The following BRINP3 variants were observed in gnomAD, a reference collection of about 807,000 sequenced individuals.
The protein encoded by BRINP3 is BMP/retinoic acid inducible neural specific 3, also known as BMP/retinoic acid-inducible neural-specific protein 3.
BRINP3 carries 19 observed loss-of-function variants against 71.0 expected under a neutral mutation model. The ratio of observed to expected loss-of-function variants is 0.27; its 90% CI spans 0.19 to 0.39. The LOEUF is 0.39. Among genes scored for constraint, BRINP3 ranks in the 10% least tolerant of loss-of-function variants. BRINP3 has a pLI of 1.00. For synonymous variants in BRINP3, 380 were observed against 337.7 expected, an observed-to-expected ratio of 1.13 and a Z score of -1.37; for missense variants, 959 against 940.8, an observed-to-expected ratio of 1.02 and a Z score of -0.25.
intron 2 of BRINP3, among the ~76,000 whole-genome samples, chr1:190,365,315 T>G (rs1380683389): frequency 6.6e-6 from 1 of 151,948 alleles, no homozygotes; most frequent in African/African-American, 2.4e-5. Context: ...CAGTCATCCA[T>G]CCATTCCGTT....
At chr1:190,240,603 C>T (rs1272138050) in intron 4 of BRINP3, among the ~76,000 whole-genome samples, 3 of 151,948 alleles carry the variant, frequency 2.0e-5, no homozygotes, top group Non-Finnish European at 4.4e-5. Flanking sequence ...GGTGTGATTG[C>T]TCAAGCATGT....
chr1:190,215,701 C>G (rs1656351537), intron 6 of BRINP3, among the ~76,000 whole-genome samples: 1 of 151,812 alleles, frequency 6.6e-6, no homozygotes, highest in Non-Finnish European at 1.5e-5. Flanking sequence ...GGATAGTGTT[C>G]TCTAACAGTT....
At chr1:190,424,490 G>A (rs1278495953) in intron 2 of BRINP3, among the ~76,000 whole-genome samples, 1 of 151,582 alleles carries the variant, frequency 6.6e-6, no homozygotes, top group Non-Finnish European at 1.5e-5. Flanking sequence ...TACTGTCATA[G>A]GGACTTTAAA....
chr1:190,296,506 G>A (rs1436918983), intron 2 of BRINP3, among the ~76,000 whole-genome samples: 1 of 151,968 alleles, frequency 6.6e-6, no homozygotes, highest in East Asian at 1.9e-4. Context: ...TTAAGATCAG[G>A]AACAACACAA....
rs1558160570 is a variant in BRINP3, at chr1:190,301,198, CACATACATATATATATATAT to C, written c.237-19468_237-19449del. 2.6e-3 allele frequency among the ~76,000 whole-genome samples: 69 copies of C among 26,694 alleles called. 1 individual carries two copies. Among genetic ancestry groups the C allele is most frequent in the South Asian group, 9.5e-3 (4 of 422 alleles). The allele number at this position is 26,694 out of a possible 152,430, so 17.5% of individuals were successfully genotyped here. A position where few individuals can be genotyped will look rare whatever the true frequency, so the allele number is the denominator to read the frequency against. ...ATACATATATATATGTATATATATA[CACATACATATATATATATAT>C]ATATATATATATATATACACACATA... On this transcript the variant is annotated intron_variant, in intron 2 of 7. Transcript: ENST00000367462.
At chr1:190,284,113 T>C (rs189233667) in intron 2 of BRINP3, among the ~76,000 whole-genome samples, 46 of 152,166 alleles carry the variant, frequency 3.0e-4, no homozygotes, top group Non-Finnish European at 1.0e-4. Context: ...AAACACATGC[T>C]AGAAAAGTGC....
chr1:190,345,358 A>T (rs887526352), intron 2 of BRINP3, among the ~76,000 whole-genome samples: 8 of 151,822 alleles, frequency 5.3e-5, no homozygotes, highest in African/African-American at 1.9e-4. Flanking sequence ...AATAGTTTAG[A>T]GCTCAGAATC....
chr1:190,384,940 A>G (rs2102271434), intron 2 of BRINP3, among the ~76,000 whole-genome samples: 1 of 152,136 alleles, frequency 6.6e-6, no homozygotes, highest in East Asian at 1.9e-4. Context: ...CTGATCTTTG[A>G]CAAACCTGAC....
chr1:190,276,983 G>A (rs541409482), intron 3 of BRINP3, among the ~76,000 whole-genome samples: 143 of 147,422 alleles, frequency 9.7e-4, no homozygotes, highest in African/African-American at 3.4e-3. Flanking sequence ...TGGTCAAACT[G>A]AACTTGCTTT....
At chr1:190,109,255 T>C (rs552076816) in intron 7 of BRINP3, among the ~76,000 whole-genome samples, 2 of 152,310 alleles carry the variant, frequency 1.3e-5, no homozygotes, top group South Asian at 2.1e-4. Context: ...CATTTTTTCA[T>C]ATATTTACAT....
At chr1:190,349,322 T>C (rs1193363806) in intron 2 of BRINP3, among the ~76,000 whole-genome samples, 1 of 152,038 alleles carries the variant, frequency 6.6e-6, no homozygotes, top group African/African-American at 2.4e-5. Flanking sequence ...TTTACAGAGA[T>C]AGTAGGCAAG....
At chr1:190,449,752 G>T (rs1415757369) in intron 2 of BRINP3, among the ~76,000 whole-genome samples, 1 of 152,086 alleles carries the variant, frequency 6.6e-6, no homozygotes. Context: ...AATTATCAGT[G>T]TATAGCTGAG....
In BRINP3 at chr1:190,138,903, C is replaced by T. The variant is rs192843634; in HGVS notation, c.1184+21765G>A. ...GTCCAGATCATATACATCTCAATGGCGGCAGCAGGGACAGGCAAACAAAAC... is the reference window on the plus strand; with the variant it reads ...GTCCAGATCATATACATCTCAATGGTGGCAGCAGGGACAGGCAAACAAAAC... On this transcript the variant is annotated intron_variant, in intron 7 of 7. Transcript: ENST00000367462. Among the ~76,000 whole-genome samples the T allele has an allele frequency of 8.5e-5, 13 of 152,148 alleles. 1 individual carries two copies. Among genetic ancestry groups the T allele is most frequent in the Admixed American group, 7.2e-4 (11 of 15,270 alleles).
chr1:190,371,297 T>C (rs998686901), intron 2 of BRINP3, among the ~76,000 whole-genome samples: 2 of 152,244 alleles, frequency 1.3e-5, no homozygotes, highest in African/African-American at 2.4e-5. Flanking sequence ...CTAGTAGTTT[T>C]AAAATTTCAA....
chr1:190,329,863 T>C (rs1666851635), intron 2 of BRINP3, among the ~76,000 whole-genome samples: 1 of 151,916 alleles, frequency 6.6e-6, no homozygotes, highest in Admixed American at 6.6e-5. Flanking sequence ...TGATCTTCAA[T>C]GAACTCATTA....
At chr1:190,123,173 A>T (rs891936263) in intron 7 of BRINP3, among the ~76,000 whole-genome samples, 1 of 152,090 alleles carries the variant, frequency 6.6e-6, no homozygotes, top group African/African-American at 2.4e-5. Flanking sequence ...TTATGATAAT[A>T]CTTGTTGCTT....
intron 2 of BRINP3, among the ~76,000 whole-genome samples, chr1:190,358,518 G>A (rs947927143): frequency 3.3e-5 from 5 of 152,160 alleles, no homozygotes; most frequent in African/African-American, 9.7e-5. Flanking sequence ...AACAACAGGT[G>A]CTGGAGAGGA....
At chr1:190,298,653 T>G (rs1664436259) in intron 2 of BRINP3, among the ~76,000 whole-genome samples, 1 of 152,144 alleles carries the variant, frequency 6.6e-6, no homozygotes, top group African/African-American at 2.4e-5. Context: ...ATTCTAGTAT[T>G]GCTTTCTTGT....
At chr1:190,459,287 A>T (rs1178189347) in intron 1 of BRINP3, among the ~76,000 whole-genome samples, 1 of 151,730 alleles carries the variant, frequency 6.6e-6, no homozygotes, top group Non-Finnish European at 1.5e-5. Flanking sequence ...TACATAATAA[A>T]TGCATAAATA....
Sources: allele counts gnomAD v4.1 joint callset (sites outside exome capture counted in the v4.1 genomes callset), GRCh38; gene constraint gnomAD v4.1.1; transcripts MANE v1.5; gene names NCBI Gene and HGNC (gene_info 2026-07-23, HGNC 2026-07-21).